The following ADGRV1 variants were observed in gnomAD, a reference collection of about 807,000 sequenced individuals.
The protein encoded by ADGRV1 is adhesion G protein-coupled receptor V1.
In ADGRV1, 359 loss-of-function variants were observed where a neutral mutation model predicts 596.2. The ratio of observed to expected loss-of-function variants is 0.60; its 90% CI spans 0.55 to 0.66. The LOEUF (loss-of-function observed/expected upper bound fraction) is 0.66, where lower values mean the gene tolerates loss of function less well. Ranked by LOEUF, ADGRV1 falls within the 30% of genes least tolerant of loss-of-function variation. The pLI is 0.00. For missense variants in ADGRV1, 7,274 were observed against 7,575.6 expected (o/e 0.96, Z 1.48); for synonymous variants, 2,681 against 2,679.2 (o/e 1.00, Z -0.02).
intron 50 of ADGRV1, 29 bp downstream of exon 50, chr5:90,729,793 CT>C (rs1312921086): frequency 6.8e-6 from 11 of 1,606,590 alleles, no homozygotes; most frequent in African/African-American, 1.3e-5. Flanking sequence ...CTCACCAATT[CT>C]AAAGGTAGTA....
At chr5:90,915,531 C>G (rs1473543668) in intron 83 of ADGRV1, among the ~76,000 whole-genome samples, 1 of 152,158 alleles carries the variant, frequency 6.6e-6, no homozygotes, top group Admixed American at 6.5e-5. Flanking sequence ...TGACTGAAGG[C>G]TAAACTCTTT....
intron 87 of ADGRV1, 41 bp from the exon 88 acceptor site, chr5:91,149,989 T>G (rs778581271): frequency 3.5e-6 from 5 of 1,444,210 alleles, no homozygotes; most frequent in Non-Finnish European, 4.6e-6. Context: ...CTGATGTTCT[T>G]TTTCTTTTTC....
chr5:91,159,704 T>G (rs139135786), intron 89 of ADGRV1, among the ~76,000 whole-genome samples: 1 of 152,134 alleles, frequency 6.6e-6, no homozygotes, highest in Non-Finnish European at 1.5e-5. Context: ...TATTAGTTTT[T>G]TTTTTTTATT....
chr5:90,783,151 T>G lies in ADGRV1; in HGVS notation c.13259T>G (p.Ile4420Ser). 6.2e-7 allele frequency: 1 copy of G among 1,613,624 alleles called. No individual in the cohort carries two copies. ...GAGGAAGATGTTGGGCTGATCATGA[T>G]CCCAGTGGTGAGGCTACATGGAACT... is the stretch of plus-strand genomic sequence containing the variant. ...EVEEDVGLIMIPVVRLHGTYG... is the reference protein window; with the variant it reads ...EVEEDVGLIMSPVVRLHGTYG... Residue 4420 changes from isoleucine to serine, a missense_variant, in exon 66 of 90, where the codon ATC becomes AGC. Coordinates refer to ENST00000405460, the MANE Select transcript of ADGRV1 (RefSeq NM_032119.4).
At chr5:90,875,044 G>A (rs962874391) in intron 83 of ADGRV1, among the ~76,000 whole-genome samples, 1 of 152,104 alleles carries the variant, frequency 6.6e-6, no homozygotes, top group Non-Finnish European at 1.5e-5. Context: ...AACTGGGTAT[G>A]GGGCACATGC....
chr5:90,930,078 T>C (rs536944266), intron 83 of ADGRV1, among the ~76,000 whole-genome samples: 1 of 152,224 alleles, frequency 6.6e-6, no homozygotes, highest in Admixed American at 6.5e-5. Context: ...AAACATCTTC[T>C]TTTTGTTGTT....
intron 75 of ADGRV1, among the ~76,000 whole-genome samples, chr5:90,820,229 G>C (rs1223164170): frequency 1.4e-5 from 2 of 144,722 alleles, no homozygotes; most frequent in East Asian, 2.0e-4. Flanking sequence ...TCAGAGACTA[G>C]GATTGCAACC....
Position 90,645,836 on chromosome 5 carries a change from C to T in ADGRV1, c.2899-132C>T, listed in dbSNP as rs1002429699. 38 of 607,450 alleles carry T rather than the reference C, an allele frequency of 6.3e-5. No homozygotes were observed. The African/African-American group carries it at 6.6e-4, about 11-fold the overall frequency. The allele number at this position is 607,450 out of a possible 1,614,324, so 37.6% of individuals were successfully genotyped here. A position where few individuals can be genotyped will look rare whatever the true frequency, so the allele number is the denominator to read the frequency against. Reference sequence around the variant, plus strand: ...TTACCTGAATGTGTTAGGGGAAGTTCTGCCTCCGAAAAGGAAATGAATAAT... The same window carrying T: ...TTACCTGAATGTGTTAGGGGAAGTTTTGCCTCCGAAAAGGAAATGAATAAT... On this transcript the variant is annotated intron_variant, in intron 15 of 89. Transcript: ENST00000405460.
At chr5:90,638,399 A>T (rs935291016) in intron 11 of ADGRV1, among the ~76,000 whole-genome samples, 6 of 152,110 alleles carry the variant, frequency 3.9e-5, no homozygotes, top group African/African-American at 1.4e-4. Context: ...TGGAACTTAA[A>T]CATTAATTTT....
At chr5:90,708,962 A>T in intron 39 of ADGRV1, 53 bp downstream of exon 39, 6 of 1,213,868 alleles carry the variant, frequency 4.9e-6, no homozygotes, top group Non-Finnish European at 7.3e-6. Flanking sequence ...TGAAATGAAG[A>T]AACTTCATTT....
chr5:91,017,658 TAG>T (rs1783282464), intron 85 of ADGRV1, among the ~76,000 whole-genome samples: 1 of 151,930 alleles, frequency 6.6e-6, no homozygotes, highest in South Asian at 2.1e-4. Flanking sequence ...TGTTGTTAAG[TAG>T]AGTTATAAGG....
rs2460168 is a variant in ADGRV1, at chr5:90,774,077, G to C, written c.12286-109G>C. 5,301 of 451,874 alleles carry C rather than the reference G, an allele frequency of 0.012. 220 individuals are homozygous for C. The highest frequency in any genetic ancestry group is 0.096 in the African/African-American group (4,755 of 49,568). The allele number at this position is 451,874 out of a possible 1,614,324, so 28.0% of individuals were successfully genotyped here. ...AACTCGTAATTCTAGTGACAAAAAA[G>C]ACACCCTTAAAAATGATTATGGACA... On this transcript the variant is annotated intron_variant, in intron 59 of 89. Coordinates refer to ENST00000405460, the MANE Select transcript of ADGRV1 (RefSeq NM_032119.4).
At chr5:90,568,569 T>C (rs1049529402) in intron 1 of ADGRV1, among the ~76,000 whole-genome samples, 7 of 152,224 alleles carry the variant, frequency 4.6e-5, no homozygotes, top group Admixed American at 3.9e-4. Flanking sequence ...GTGTACTTGA[T>C]AAGATATGTA....
intron 83 of ADGRV1, among the ~76,000 whole-genome samples, chr5:90,942,722 A>C (rs945667536): frequency 7.9e-5 from 12 of 152,122 alleles, no homozygotes; most frequent in Admixed American, 7.9e-4. Context: ...CTTATTTTTC[A>C]AGAGAAATTG....
chr5:90,658,420 T>C (rs1769735687), intron 21 of ADGRV1, 142 bp downstream of exon 21: 1 of 651,994 alleles, frequency 1.5e-6, no homozygotes. Flanking sequence ...TGATTGCAAA[T>C]ATAAATTACA....
At position 91,000,894 on chromosome 5, in the gene ADGRV1, G is replaced by T. The variant is rs542840717; in HGVS notation, c.18152+15372G>T. Among the ~76,000 whole-genome samples the T allele has an allele frequency of 7.9e-5, 12 of 152,194 alleles. No individual in the cohort carries two copies. The East Asian group carries it at 2.1e-3, about 27-fold the overall frequency. ...CAGGAAGAATTCTCTGTTACTCGGG[G>T]AAGGATCAGCCTTTTTTCCTCAGGC... On this transcript the variant is annotated intron_variant, in intron 85 of 89. Transcript: ENST00000405460.
rs553100797 is a variant in ADGRV1, at chr5:90,868,124, G to A, written c.17856+4267G>A. ...TCAGTGAGTCTATGGCGGGTTTCCG[G>A]ATCCTACTTGTTAAGTAAGGTATTA... On this transcript the variant is annotated intron_variant, in intron 83 of 89. Coordinates refer to ENST00000405460, the MANE Select transcript of ADGRV1 (RefSeq NM_032119.4). Among the ~76,000 whole-genome samples the A allele has an allele frequency of 7.9e-5, 12 of 152,178 alleles. No individual in the cohort carries two copies. In the East Asian group the frequency reaches 2.1e-3, roughly 27 times the overall value.
At chr5:90,770,334 T>C (rs1046737223) in intron 59 of ADGRV1, among the ~76,000 whole-genome samples, 1 of 152,056 alleles carries the variant, frequency 6.6e-6, no homozygotes, top group Admixed American at 6.6e-5. Context: ...TCCCGCCAGG[T>C]CCCTCCCATG....
chr5:90,797,706 AAATTGACCACAT>A (rs1328065677), intron 70 of ADGRV1, among the ~76,000 whole-genome samples: 1 of 152,220 alleles, frequency 6.6e-6, no homozygotes, highest in Admixed American at 6.5e-5. Flanking sequence ...ACTTATTCTA[AAATTGACCACAT>A]AATTGGAAGT....
Sources: gnomAD v4.1 joint callset for allele counts (sites outside exome capture counted in the v4.1 genomes callset) on GRCh38, gnomAD v4.1.1 for gene constraint, MANE v1.5 for transcripts, NCBI Gene and HGNC (gene_info 2026-07-23, HGNC 2026-07-21) for gene names.